The following NSUN2 variants were observed in gnomAD, a reference collection of about 807,000 sequenced individuals.
NSUN2 encodes the protein NOP2/Sun RNA methyltransferase 2.
A neutral mutation model predicts 92.7 loss-of-function variants in NSUN2; 63 were observed. The ratio of observed to expected loss-of-function variants is 0.68; its 90% CI spans 0.56 to 0.84. The LOEUF (loss-of-function observed/expected upper bound fraction) is 0.84, where lower values mean the gene tolerates loss of function less well. Ranked by LOEUF, NSUN2 falls within the 40% of genes least tolerant of loss-of-function variation. The pLI, the probability that NSUN2 is intolerant of heterozygous loss-of-function variation, is 0.00. For missense variants in NSUN2, 989 were observed against 964.9 expected (o/e 1.02, Z -0.33); for synonymous variants, 356 against 348.3 (o/e 1.02, Z -0.25).
chr5:6,614,094 G>A (rs1245762904), intron 9 of NSUN2, among the ~76,000 whole-genome samples: 4 of 53,402 alleles, frequency 7.5e-5, no homozygotes, highest in African/African-American at 2.4e-4. Flanking sequence ...AGACTGTCTC[G>A]GAAAAAAAAA....
chr5:6,599,779 G>A lies in NSUN2; in HGVS notation c.*147C>T, dbSNP rs1248445126. Reference sequence around the variant, plus strand: ...AGAAAGCAGTCCTGGTCATTCAGAAGGCTCCTATGATCCCACCAGTCTGCA... The same window carrying A: ...AGAAAGCAGTCCTGGTCATTCAGAAAGCTCCTATGATCCCACCAGTCTGCA... On this transcript the variant is annotated 3_prime_UTR_variant, in exon 19 of 19. Coordinates refer to ENST00000264670, the MANE Select transcript of NSUN2 (RefSeq NM_017755.6). The A allele has an allele frequency of 1.4e-6, 1 of 692,948 alleles. No individual in the cohort carries two copies. Among genetic ancestry groups the A allele is most frequent in the Non-Finnish European group, 2.5e-6 (1 of 398,722 alleles). The allele number at this position is 692,948 out of a possible 1,614,324, so 42.9% of individuals were successfully genotyped here. A position where few individuals can be genotyped will look rare whatever the true frequency, so the allele number is the denominator to read the frequency against.
chr5:6,614,124 C>CCTCGCACCT lies in NSUN2; in HGVS notation c.1022-2327_1022-2326insAGGTGCGAG, dbSNP rs543325766. Reference sequence around the variant, plus strand: ...AAAAAAAAAAAAAAAAAAAAAAAACCCACAACACACACATATAGACAGACA... The same window carrying CCTCGCACCT: ...AAAAAAAAAAAAAAAAAAAAAAAACCCTCGCACCTCACAACACACACATATAGACAGACA... On this transcript the variant is annotated intron_variant, in intron 9 of 18. Coordinates refer to ENST00000264670, the MANE Select transcript of NSUN2 (RefSeq NM_017755.6). Among the ~76,000 whole-genome samples the CCTCGCACCT allele has an allele frequency of 2.7e-5, 2 of 73,202 alleles. 1 individual carries two copies. Among genetic ancestry groups the CCTCGCACCT allele is most frequent in the Non-Finnish European group, 5.7e-5 (2 of 35,308 alleles). The allele number at this position is 73,202 out of a possible 152,430, so 48.0% of individuals were successfully genotyped here.
At position 6,604,704 on chromosome 5, in the gene NSUN2, G is replaced by A. The variant is rs1306076704; in HGVS notation, c.1738-19C>T. ...TAATAACCTGTAAGTAAAAAAATAA[G>A]ATGAAACACAGAGAGATGAAGACAG... is the stretch of plus-strand genomic sequence containing the variant. On this transcript the variant is annotated intron_variant, in intron 15 of 18. Coordinates refer to ENST00000264670, the MANE Select transcript of NSUN2 (RefSeq NM_017755.6). 16 of 1,596,492 alleles carry A rather than the reference G, an allele frequency of 1.0e-5. No homozygotes were observed. Among genetic ancestry groups the A allele is most frequent in the Non-Finnish European group, 1.4e-5 (16 of 1,164,064 alleles).
rs375966917 is a variant in NSUN2 at position 6,630,870 on chromosome 5, G to A, written c.359+1003C>T. 6.9e-4 allele frequency among the ~76,000 whole-genome samples: 105 copies of A among 152,254 alleles called. 3 individuals are homozygous for A. The South Asian group carries it at 0.017, about 25-fold the overall frequency. On this transcript the variant is annotated intron_variant, in intron 3 of 18. Coordinates refer to ENST00000264670, the MANE Select transcript of NSUN2 (RefSeq NM_017755.6). The stretch of plus-strand genomic sequence containing the variant: ...AGCACTTTGGGAGGCCGAGGTGGGC[G>A]GATCATGAGGTCAGGAGATGAGACC...
intron 9 of NSUN2, among the ~76,000 whole-genome samples, chr5:6,614,482 T>G (rs1254570567): frequency 1.3e-5 from 2 of 152,150 alleles, no homozygotes; most frequent in Non-Finnish European, 2.9e-5. Context: ...TGGTGCACTG[T>G]GTGTGAGGTT....
Position 6,616,803 on chromosome 5 carries a change from C to T in NSUN2, c.945G>A (p.Arg315=). The T allele has an allele frequency of 6.2e-7, 1 of 1,614,020 alleles. No individual in the cohort carries two copies. Among genetic ancestry groups the T allele is most frequent in the Non-Finnish European group, 8.5e-7 (1 of 1,179,904 alleles). ...TTAGTGAACACGTGGAATACACCAT[C>T]CTTCCACCTTCAGCCAGCTGTTCAG... ...RGAEQLAEGG[R]MVYSTCSLNP... Residue 315 remains arginine, a synonymous_variant, in exon 9 of 19, where the codon AGG becomes AGA. Transcript: ENST00000264670.
chr5:6,632,885 G>A lies in NSUN2; in HGVS notation c.95C>T (p.Ala32Val), dbSNP rs775253220. The change falls in exon 1 of 19, where the codon GCG becomes GTG. Residue 32 changes from alanine (A) to valine (V), a missense_variant and splice_region_variant. Ala to Val is a moderately conservative substitution (Grantham distance 64, BLOSUM62 0). Transcript: ENST00000264670. ...CGCCCGCCGGGTCCCGGCTCCTACC[G>A]CCTCGCCGCGCTTTCCACCACCCTC... ...GAEGGGKRGEAGWEGGYPEIV... is the reference protein window; with the variant it reads ...GAEGGGKRGEVGWEGGYPEIV... 23 of 1,531,678 alleles carry A rather than the reference G, an allele frequency of 1.5e-5. No homozygotes were observed. Among genetic ancestry groups the A allele is most frequent in the Non-Finnish European group, 2.0e-5 (23 of 1,144,276 alleles). 94.9% of individuals were successfully genotyped at this position (1,531,678 alleles called of 1,614,324 possible).
chr5:6,610,877 C>T, intron 11 of NSUN2, 78 bp downstream of exon 11: 1 of 1,546,952 alleles, frequency 6.5e-7, no homozygotes, highest in Admixed American at 1.8e-5. Context: ...CCAACTCACC[C>T]CAACAAGACT....
intron 7 of NSUN2, among the ~76,000 whole-genome samples, chr5:6,619,284 G>T (rs534922014): frequency 6.6e-6 from 1 of 152,306 alleles, no homozygotes; most frequent in South Asian, 2.1e-4. Context: ...TTCATACTGA[G>T]TTTTGCCATG....
intron 12 of NSUN2, among the ~76,000 whole-genome samples, chr5:6,609,018 G>A (rs1490027905): frequency 6.6e-6 from 1 of 152,220 alleles, no homozygotes; most frequent in African/African-American, 2.4e-5. Context: ...GCCCGTCTGA[G>A]GCTGTACGTT....
At chr5:6,601,136 A>G (rs1439450746) in intron 18 of NSUN2, among the ~76,000 whole-genome samples, 1 of 144,172 alleles carries the variant, frequency 6.9e-6, no homozygotes, top group African/African-American at 2.6e-5. Context: ...AGAGGAAAAT[A>G]TAAGAAATTC....
intron 6 of NSUN2, chr5:6,621,059 C>T (rs1221968331): frequency 6.6e-6 from 1 of 152,156 alleles, no homozygotes; most frequent in African/African-American, 2.4e-5. Context: ...ACAAATATGC[C>T]TATTAAAACA....
In NSUN2 at chr5:6,622,940, T is replaced by C. The variant is rs531641819; in HGVS notation, c.537+274A>G. ...ATGTTCACTATCATTTTCAACCTAA[T>C]TTAGCCAATCACCATCACTGAAGAC... is the stretch of plus-strand genomic sequence containing the variant. On this transcript the variant is annotated intron_variant, in intron 5 of 18. Transcript: ENST00000264670. 1.3e-4 allele frequency among the ~76,000 whole-genome samples: 20 copies of C among 150,500 alleles called. 1 individual carries two copies. The East Asian group carries it at 3.9e-3, about 29-fold the overall frequency.
At chr5:6,613,583 T>C (rs1737087107) in intron 9 of NSUN2, among the ~76,000 whole-genome samples, 1 of 152,206 alleles carries the variant, frequency 6.6e-6, no homozygotes, top group African/African-American at 2.4e-5. Context: ...AGCTTGCCCT[T>C]AGAACAAAGC....
chr5:6,613,289 A>G (rs1311489390), intron 9 of NSUN2, among the ~76,000 whole-genome samples: 1 of 152,258 alleles, frequency 6.6e-6, no homozygotes, highest in Non-Finnish European at 1.5e-5. Context: ...ACTATTCAAC[A>G]CAGTGAAGAC....
At chr5:6,601,768 CAGTCAGCCGTG>C (rs1256546297) in intron 18 of NSUN2, among the ~76,000 whole-genome samples, 1 of 152,164 alleles carries the variant, frequency 6.6e-6, no homozygotes, top group Non-Finnish European at 1.5e-5. Flanking sequence ...CCCCAAATCC[CAGTCAGCCGTG>C]GACCCCATTC....
chr5:6,632,701 T>C lies in NSUN2; in HGVS notation c.152A>G (p.Tyr51Cys), dbSNP rs368756459. ...IVKENKLFEH[Y>C]YQELKIVPEG... ...GGGCACGATCTTGAGCTCCTGGTAG[T>C]AGTGCTCGAACAGCTTGTTCTCCTT... The change falls in exon 2 of 19, where the codon TAC (tyrosine) becomes TGC (cysteine). Residue 51 changes from tyrosine to cysteine, a missense_variant. Physicochemically the swap from Tyr to Cys is radical, Grantham distance 194. Transcript: ENST00000264670. The C allele has an allele frequency of 5.0e-6, 8 of 1,613,976 alleles. No homozygotes were observed. Among genetic ancestry groups the C allele is most frequent in the African/African-American group, 2.7e-5 (2 of 74,894 alleles).
intron 3 of NSUN2, 59 bp downstream of exon 3, chr5:6,631,806 ATATAATTC>A (rs1737909568): frequency 3.3e-6 from 4 of 1,204,234 alleles, no homozygotes; most frequent in South Asian, 1.3e-5. Flanking sequence ...GTACCAAGAA[ATATAATTC>A]AAGTGATAGA....
At chr5:6,601,113 G>C (rs948652622) in intron 18 of NSUN2, among the ~76,000 whole-genome samples, 2 of 151,576 alleles carry the variant, frequency 1.3e-5, no homozygotes, top group Non-Finnish European at 2.9e-5. Flanking sequence ...CACAAAGGTG[G>C]TTTTAAGAAG....
Sources: allele counts gnomAD v4.1 joint callset (sites outside exome capture counted in the v4.1 genomes callset), GRCh38; gene constraint gnomAD v4.1.1; transcripts MANE v1.5; gene names NCBI Gene and HGNC (gene_info 2026-07-23, HGNC 2026-07-21).